The following CHD1 variants were observed in gnomAD, a reference collection of about 807,000 sequenced individuals.
CHD1 encodes chromodomain helicase DNA binding protein 1.
A neutral mutation model predicts 224.2 loss-of-function variants in CHD1; 36 were observed. The ratio of observed to expected loss-of-function variants is 0.16; its 90% CI spans 0.12 to 0.21. The LOEUF (loss-of-function observed/expected upper bound fraction) is 0.21, where lower values mean the gene tolerates loss of function less well. CHD1 is among the 10% of genes least tolerant of loss of function. The probability of loss-of-function intolerance (pLI) is 1.00; values close to 1 mark genes in which losing one functional copy is unlikely to be tolerated. For missense variants in CHD1, 1,378 were observed against 1,994.8 expected, an observed-to-expected ratio of 0.69 and a Z score of 5.89; for synonymous variants, 668 against 658.3, an observed-to-expected ratio of 1.01 and a Z score of -0.23.
intron 5 of CHD1, among the ~76,000 whole-genome samples, chr5:98,902,375 C>A (rs1008204020): frequency 2.2e-4 from 34 of 151,942 alleles, no homozygotes; most frequent in African/African-American, 7.7e-4. Flanking sequence ...AAATAAAAGA[C>A]AAGAAAATGG....
At chr5:98,879,110 T>C (rs1318959055) in intron 23 of CHD1, among the ~76,000 whole-genome samples, 1 of 152,140 alleles carries the variant, frequency 6.6e-6, no homozygotes, top group African/African-American at 2.4e-5. Flanking sequence ...GGGACACACC[T>C]GTAGTCCCAG....
At chr5:98,913,194 G>C (rs1262948095) in intron 2 of CHD1, among the ~76,000 whole-genome samples, 5 of 152,178 alleles carry the variant, frequency 3.3e-5, no homozygotes, top group Non-Finnish European at 7.3e-5. Context: ...CTTCTTGCTA[G>C]GCATGGTGGC....
At chr5:98,888,277 C>T (rs1006964494) in intron 16 of CHD1, 37 bp from the exon 17 acceptor site, 1 of 1,486,134 alleles carries the variant, frequency 6.7e-7, no homozygotes, top group African/African-American at 1.4e-5. Flanking sequence ...TGTTAAAAGA[C>T]ATAAATGGTA....
chr5:98,872,504 T>C lies in CHD1; in HGVS notation c.3623A>G (p.Gln1208Arg). ...KGPTFRISGV[Q>R]VNAKLVISHE... is the part of the protein sequence containing the mutation. ...GGAGATGACTAGTTTGGCATTCACCTGTACTCCTGATATTCGGAATGTTGG... is the reference window on the plus strand; with the variant it reads ...GGAGATGACTAGTTTGGCATTCACCCGTACTCCTGATATTCGGAATGTTGG... Residue 1208 changes from glutamine to arginine, a missense_variant, in exon 27 of 36, where the codon CAG becomes CGG. Coordinates refer to ENST00000614616, the MANE Select transcript of CHD1 (RefSeq NM_001270.4). 6.2e-7 allele frequency: 1 copy of C among 1,613,862 alleles called. No individual in the cohort carries two copies. The highest frequency in any genetic ancestry group is 8.5e-7 in the Non-Finnish European group (1 of 1,179,830).
chr5:98,858,771 T>C (rs1455869027), intron 34 of CHD1, 193 bp downstream of exon 34: 4 of 447,684 alleles, frequency 8.9e-6, no homozygotes, highest in Non-Finnish European at 1.6e-5. Context: ...TAAACTAAAA[T>C]GAACTACAGT....
chr5:98,927,654 G>A (rs540757008), intron 1 of CHD1, among the ~76,000 whole-genome samples: 1 of 152,300 alleles, frequency 6.6e-6, no homozygotes, highest in African/African-American at 2.4e-5. Flanking sequence ...CCTAGTCAAA[G>A]TGCCTTACTG....
intron 2 of CHD1, among the ~76,000 whole-genome samples, chr5:98,913,558 C>G (rs1299411649): frequency 6.6e-6 from 1 of 152,202 alleles, no homozygotes; most frequent in Non-Finnish European, 1.5e-5. Flanking sequence ...AAATTTGGGA[C>G]TAACTTGATG....
chr5:98,920,068 T>C (rs1028955813), intron 2 of CHD1, among the ~76,000 whole-genome samples: 5 of 152,024 alleles, frequency 3.3e-5, no homozygotes, highest in Non-Finnish European at 5.9e-5. Flanking sequence ...TATTATACAA[T>C]AGATACATAA....
At position 98,904,946 on chromosome 5, in the gene CHD1, G is replaced by C. The variant is rs866375967; in HGVS notation, c.206C>G (p.Ser69Cys). Reference protein sequence around the residue: ...GSQSESESDTSRENKVQAKPP... With the variant: ...GSQSESESDTCRENKVQAKPP... ...TTTTGCTTGAACTTTGTTTTCTCGGGAAGTGTCTGACTCAGACTCTGACTG... is the reference window on the plus strand; with the variant it reads ...TTTTGCTTGAACTTTGTTTTCTCGGCAAGTGTCTGACTCAGACTCTGACTG... The change falls in exon 3 of 36, where the codon TCC (serine) becomes TGC (cysteine). Residue 69 changes from serine to cysteine, a missense_variant. By Grantham distance (112) the Ser-to-Cys change is moderately radical. This residue lies in a region of CHD1 where 306 missense variants were observed against 298.1 expected (regional missense o/e 1.03). Transcript: ENST00000614616. The C allele has an allele frequency of 1.9e-6, 3 of 1,613,534 alleles. No homozygotes were observed. The highest frequency in any genetic ancestry group is 1.7e-6 in the Non-Finnish European group (2 of 1,179,584).
At chr5:98,912,985 A>G (rs1752520995) in intron 2 of CHD1, among the ~76,000 whole-genome samples, 1 of 152,186 alleles carries the variant, frequency 6.6e-6, no homozygotes, top group Non-Finnish European at 1.5e-5. Context: ...GGTGCTGGGG[A>G]AACCCTGATA....
At chr5:98,918,346 C>CA (rs909677277) in intron 2 of CHD1, among the ~76,000 whole-genome samples, 3 of 151,636 alleles carry the variant, frequency 2.0e-5, no homozygotes, top group African/African-American at 7.3e-5. Flanking sequence ...AGATGTGAGC[C>CA]ACCGCGCCTG....
intron 17 of CHD1, 40 bp downstream of exon 17, chr5:98,888,048 T>TA: frequency 7.6e-7 from 1 of 1,321,524 alleles, no homozygotes; most frequent in Non-Finnish European, 1.0e-6. Context: ...GCACAGGAAT[T>TA]AGATAAAATT....
chr5:98,909,486 T>C (rs1752253106), intron 2 of CHD1, among the ~76,000 whole-genome samples: 2 of 152,174 alleles, frequency 1.3e-5, no homozygotes, highest in African/African-American at 2.4e-5. Flanking sequence ...CCATCCATTA[T>C]AAAGCTCCCC....
Position 98,873,636 on chromosome 5 carries a change from G to A in CHD1, c.3528C>T (p.Cys1176=), listed in dbSNP as rs780073943. ...RRLGELVHNG[C]IKALKDSSSG... ...AAGAACTATCCTTTAATGCTTTAAT[G>A]CAACCATTATGTACCAATTCTCCCA... The change falls in exon 26 of 36, where the codon TGC becomes TGT. Residue 1176 remains cysteine, a synonymous_variant. Transcript: ENST00000614616. The A allele has an allele frequency of 6.2e-7, 1 of 1,607,550 alleles. No homozygotes were observed. Among genetic ancestry groups the A allele is most frequent in the Non-Finnish European group, 8.5e-7 (1 of 1,176,920 alleles).
rs1561528156 is a variant in CHD1 at position 98,900,872 on chromosome 5, A to G, written c.798T>C (p.Pro266=). The G allele has an allele frequency of 1.2e-6, 2 of 1,613,766 alleles. No homozygotes were observed. Among genetic ancestry groups the G allele is most frequent in the Non-Finnish European group, 1.7e-6 (2 of 1,179,832 alleles). Residue 266 remains proline, a synonymous_variant, in exon 7 of 36, where the codon CCT becomes CCC. Coordinates refer to ENST00000614616, the MANE Select transcript of CHD1 (RefSeq NM_001270.4). The part of the protein sequence containing the change: ...LEVCGEDVPQ[P]EEEEFETIER... Reference sequence around the variant, plus strand: ...CTATGGTTTCAAATTCCTCTTCCTCAGGTTGAGGAACATCCTCTCCACAGA... The same window carrying G: ...CTATGGTTTCAAATTCCTCTTCCTCGGGTTGAGGAACATCCTCTCCACAGA...
At chr5:98,891,782 G>C (rs1487641041) in intron 15 of CHD1, among the ~76,000 whole-genome samples, 1 of 152,158 alleles carries the variant, frequency 6.6e-6, no homozygotes, top group South Asian at 2.1e-4. Flanking sequence ...CTGTACTCCA[G>C]CCTGGAGTAC....
intron 2 of CHD1, among the ~76,000 whole-genome samples, chr5:98,915,459 T>C (rs1752675002): frequency 1.3e-5 from 2 of 152,182 alleles, no homozygotes; most frequent in African/African-American, 2.4e-5. Context: ...TTAGTTGTGT[T>C]GAACCCAGGA....
At chr5:98,906,477 G>A (rs1246528414) in intron 2 of CHD1, among the ~76,000 whole-genome samples, 2 of 151,948 alleles carry the variant, frequency 1.3e-5, no homozygotes, top group African/African-American at 4.8e-5. Context: ...TAACATAATA[G>A]GTAAGCAAAA....
At position 98,926,327 on chromosome 5, in the gene CHD1, T is replaced by A; in HGVS notation, c.53+7A>T. The A allele has an allele frequency of 6.7e-7, 1 of 1,501,288 alleles. No individual in the cohort carries two copies. Among genetic ancestry groups the A allele is most frequent in the Non-Finnish European group, 9.0e-7 (1 of 1,112,200 alleles). The allele number at this position is 1,501,288 out of a possible 1,614,324, so 93.0% of individuals were successfully genotyped here. The stretch of plus-strand genomic sequence containing the variant: ...AGTAAACAATTGATAACAAAGTGCT[T>A]ACTTACCTTGATTCTCCACTACTGT... On this transcript the variant is annotated splice_region_variant and intron_variant, in intron 2 of 35. Transcript: ENST00000614616.
Sources: allele counts gnomAD v4.1 joint callset (sites outside exome capture counted in the v4.1 genomes callset), GRCh38; gene constraint gnomAD v4.1.1; regional missense constraint gnomAD v4.1.1; transcripts MANE v1.5; gene names NCBI Gene and HGNC (gene_info 2026-07-23, HGNC 2026-07-21).